Variants in CADPS2 observed in about 807,000 individuals in gnomAD.
The protein encoded by CADPS2 is calcium dependent secretion activator 2.
In CADPS2, 93 loss-of-function variants were observed where a neutral mutation model predicts 172.5. The observed-to-expected ratio is 0.54, with a 90% CI of 0.46 to 0.64. The LOEUF (loss-of-function observed/expected upper bound fraction) is 0.64. Ranked by LOEUF, CADPS2 falls within the 30% of genes least tolerant of loss-of-function variation. The probability of loss-of-function intolerance (pLI) is 0.00; values close to 1 mark genes in which losing one functional copy is unlikely to be tolerated. For synonymous variants in CADPS2, 546 were observed against 555.2 expected, an observed-to-expected ratio of 0.98 and a Z score of 0.23; for missense variants, 1,420 against 1,565.9, an observed-to-expected ratio of 0.91 and a Z score of 1.57.
At chr7:122,521,637 C>T (rs1164853337) in intron 8 of CADPS2, among the ~76,000 whole-genome samples, 1 of 151,956 alleles carries the variant, frequency 6.6e-6, no homozygotes, top group Non-Finnish European at 1.5e-5. Context: ...GGTGGGGATG[C>T]ATGGAAAGGA....
intron 2 of CADPS2, among the ~76,000 whole-genome samples, chr7:122,731,171 C>G (rs1243520662): frequency 6.6e-6 from 1 of 151,312 alleles, no homozygotes; most frequent in African/African-American, 2.4e-5. Flanking sequence ...CAAAGTAGAA[C>G]ATAAACAAAT....
Position 122,745,060 on chromosome 7 carries a change from A to G in CADPS2, c.340-7992T>C, listed in dbSNP as rs143555920. On this transcript the variant is annotated intron_variant, in intron 1 of 29. Transcript: ENST00000449022. ...AGTATACAATGTTTTGATATGTTAC[A>G]CTGTTAAATAATTAAAACTAAGCTA... Among the ~76,000 whole-genome samples, 24 of 152,056 alleles carry G rather than the reference A, an allele frequency of 1.6e-4. 1 individual carries two copies. In the East Asian group the frequency reaches 4.3e-3, roughly 27 times the overall value.
chr7:122,329,785 A>G (rs940511740), intron 28 of CADPS2, among the ~76,000 whole-genome samples: 1 of 152,164 alleles, frequency 6.6e-6, no homozygotes, highest in African/African-American at 2.4e-5. Context: ...ATACTAATGC[A>G]CAATGCCTTT....
Position 122,500,328 on chromosome 7 carries a change from C to T in CADPS2, c.1543-8908G>A, listed in dbSNP as rs376325610. Among the ~76,000 whole-genome samples the T allele has an allele frequency of 7.0e-4, 107 of 151,974 alleles. 2 individuals carry two copies. Among genetic ancestry groups the T allele is most frequent in the African/African-American group, 2.4e-3 (99 of 41,436 alleles). On this transcript the variant is annotated intron_variant, in intron 9 of 29. Transcript: ENST00000449022. Reference sequence around the variant, plus strand: ...GAGTCACTGCTTCTGTATTTTGGCACGAAATTTATTTCAATTCAGTAAATA... The same window carrying T: ...GAGTCACTGCTTCTGTATTTTGGCATGAAATTTATTTCAATTCAGTAAATA...
intron 4 of CADPS2, among the ~76,000 whole-genome samples, chr7:122,622,826 A>T (rs1183401651): frequency 6.6e-6 from 1 of 152,098 alleles, no homozygotes; most frequent in Non-Finnish European, 1.5e-5. Flanking sequence ...TTCAAAATCT[A>T]ACCTAAGAAA....
intron 20 of CADPS2, among the ~76,000 whole-genome samples, chr7:122,403,639 T>C (rs935408293): frequency 2.0e-5 from 3 of 152,194 alleles, no homozygotes; most frequent in African/African-American, 4.8e-5. Flanking sequence ...TTATGAAAAT[T>C]ATGTAGTTTT....
chr7:122,508,449 GTTTTTTTTTTT>G (rs1205155217), intron 9 of CADPS2, among the ~76,000 whole-genome samples: 3,025 of 68,420 alleles, frequency 0.044, 82 homozygotes, highest in African/African-American at 0.15. Context: ...ATTCATTTAA[GTTTTTTTTTTT>G]TTTTTTTTTT....
At chr7:122,369,374 G>A (rs1371317209) in intron 25 of CADPS2, among the ~76,000 whole-genome samples, 2 of 151,744 alleles carry the variant, frequency 1.3e-5, no homozygotes, top group African/African-American at 2.4e-5. Context: ...CTCGTGATCC[G>A]CCTGCCTCAG....
At chr7:122,683,446 G>A (rs1184683053) in intron 2 of CADPS2, among the ~76,000 whole-genome samples, 1 of 152,118 alleles carries the variant, frequency 6.6e-6, no homozygotes, top group African/African-American at 2.4e-5. Context: ...AAGGGTGGGG[G>A]TTTAGCTTGG....
At chr7:122,656,058 C>T (rs1178952636) in intron 3 of CADPS2, among the ~76,000 whole-genome samples, 1 of 152,122 alleles carries the variant, frequency 6.6e-6, no homozygotes, top group Non-Finnish European at 1.5e-5. Flanking sequence ...AGACACAGCA[C>T]TTGGAGCAGA....
intron 1 of CADPS2, among the ~76,000 whole-genome samples, chr7:122,766,676 G>A (rs1169607629): frequency 6.6e-6 from 1 of 152,124 alleles, no homozygotes; most frequent in Non-Finnish European, 1.5e-5. Context: ...GTATACCAGT[G>A]TAAAAGTAAA....
intron 1 of CADPS2, among the ~76,000 whole-genome samples, chr7:122,872,662 T>A (rs901390814): frequency 1.3e-5 from 2 of 152,140 alleles, no homozygotes; most frequent in African/African-American, 4.8e-5. Context: ...TTTTAGTTTT[T>A]CTAGAGAACC....
intron 1 of CADPS2, among the ~76,000 whole-genome samples, chr7:122,793,818 G>A (rs2139746794): frequency 6.6e-6 from 1 of 152,182 alleles, no homozygotes. Flanking sequence ...TGTAAGGCAT[G>A]TCTGGTGGTA....
intron 15 of CADPS2, among the ~76,000 whole-genome samples, chr7:122,444,690 G>A (rs2051896443): frequency 6.6e-6 from 1 of 152,088 alleles, no homozygotes; most frequent in Admixed American, 6.6e-5. Context: ...TATATATTCT[G>A]AATAAAAGTT....
chr7:122,658,967 A>T (rs2080173448), intron 3 of CADPS2, among the ~76,000 whole-genome samples: 1 of 152,086 alleles, frequency 6.6e-6, no homozygotes. Context: ...ACTAAACATT[A>T]AGCACAGCTC....
intron 4 of CADPS2, among the ~76,000 whole-genome samples, chr7:122,628,907 G>T (rs2076318925): frequency 1.3e-5 from 2 of 151,396 alleles, no homozygotes; most frequent in South Asian, 2.1e-4. Context: ...TTGCGGGGAG[G>T]AGTTTTTTCT....
At chr7:122,406,599 G>A (rs2046671131) in intron 20 of CADPS2, among the ~76,000 whole-genome samples, 1 of 152,114 alleles carries the variant, frequency 6.6e-6, no homozygotes, top group South Asian at 2.1e-4. Flanking sequence ...GTCTATTCAG[G>A]GTAAGGTGAT....
chr7:122,744,463 T>G (rs1233471194), intron 1 of CADPS2, among the ~76,000 whole-genome samples: 2 of 152,194 alleles, frequency 1.3e-5, no homozygotes, highest in East Asian at 3.9e-4. Flanking sequence ...TAAGAAATGT[T>G]CATCTTAATT....
At chr7:122,867,065 G>A (rs1241461813) in intron 1 of CADPS2, among the ~76,000 whole-genome samples, 1 of 151,990 alleles carries the variant, frequency 6.6e-6, no homozygotes, top group African/African-American at 2.4e-5. Context: ...CTGTTTCCAA[G>A]GGGCTCAGTC....
Sources: gnomAD v4.1 joint callset for allele counts (sites outside exome capture counted in the v4.1 genomes callset) on GRCh38, gnomAD v4.1.1 for gene constraint, MANE v1.5 for transcripts, NCBI Gene and HGNC (gene_info 2026-07-23, HGNC 2026-07-21) for gene names.